Variants in RBPJ observed in about 807,000 individuals in gnomAD.
RBPJ encodes the protein recombining binding protein suppressor of hairless.
Under a neutral mutation model 67.8 loss-of-function variants are expected in RBPJ, and 9 were observed. The observed-to-expected ratio is 0.13, with a 90% CI of 0.08 to 0.23. RBPJ has a LOEUF of 0.23. Among genes scored for constraint, RBPJ ranks in the 10% least tolerant of loss-of-function variants. The pLI, the probability that RBPJ is intolerant of heterozygous loss-of-function variation, is 1.00. For synonymous variants in RBPJ, 198 were observed against 203.3 expected, an observed-to-expected ratio of 0.97 and a Z score of 0.22; for missense variants, 305 against 595.6, an observed-to-expected ratio of 0.51 and a Z score of 5.08.
At chr4:26,314,285 A>AT (rs199547269) in intron 1 of RBPJ, among the ~76,000 whole-genome samples, 39 of 151,364 alleles carry the variant, frequency 2.6e-4, no homozygotes, top group African/African-American at 8.3e-4. Context: ...TGTTACCAGT[A>AT]TTTTTTTTTC....
chr4:26,176,573 T>C lies in RBPJ; in HGVS notation c.-167+12959T>C, dbSNP rs142934861. Among the ~76,000 whole-genome samples the C allele has an allele frequency of 4.6e-3, 708 of 152,356 alleles. 6 individuals carry two copies. The highest frequency in any genetic ancestry group is 0.017 in the African/African-American group (688 of 41,586). ...TTGCTAACTAAGACTGCTCCCCTCC[T>C]GTAAACACTCAAGAAAAGCCTTGTT... is the stretch of plus-strand genomic sequence containing the variant. On this transcript the variant is annotated intron_variant, in intron 1 of 4. Coordinates refer to the RBPJ transcript ENST00000512351.
chr4:26,151,107 T>TGATAC, the RBPJ span, among the ~76,000 whole-genome samples: 1 of 152,152 alleles, frequency 6.6e-6, no homozygotes, highest in Non-Finnish European at 1.5e-5. Context: ...AATACGGAAA[T>TGATAC]GATACCAAAT....
chr4:26,329,880 TGA>T, intron 1 of RBPJ, among the ~76,000 whole-genome samples: 1 of 149,762 alleles, frequency 6.7e-6, no homozygotes, highest in Middle Eastern at 3.5e-3. Flanking sequence ...GGCGACAGAG[TGA>T]GACTCTGTCT....
the RBPJ span, among the ~76,000 whole-genome samples, chr4:26,126,224 G>A: frequency 6.6e-6 from 1 of 152,226 alleles, no homozygotes; most frequent in Non-Finnish European, 1.5e-5. Context: ...GGGATACAAA[G>A]ATGAAAATTG....
the RBPJ span, among the ~76,000 whole-genome samples, chr4:26,149,063 T>C: frequency 4.6e-5 from 7 of 152,220 alleles, no homozygotes; most frequent in African/African-American, 1.7e-4. Flanking sequence ...TTTCCCTCAC[T>C]GGCCCTGCCA....
chr4:26,324,385 T>C (rs927513058), intron 1 of RBPJ, among the ~76,000 whole-genome samples: 1 of 133,494 alleles, frequency 7.5e-6, no homozygotes. Flanking sequence ...AATTACAGGG[T>C]GATGTGTCGT....
At chr4:26,246,539 C>G (rs563617357) in intron 1 of RBPJ, among the ~76,000 whole-genome samples, 1 of 152,292 alleles carries the variant, frequency 6.6e-6, no homozygotes, top group East Asian at 1.9e-4. Context: ...CAGCTTGGCT[C>G]TTTGGGAAAA....
At chr4:26,323,742 A>G (rs1226877341) in intron 1 of RBPJ, among the ~76,000 whole-genome samples, 1 of 152,202 alleles carries the variant, frequency 6.6e-6, no homozygotes, top group East Asian at 1.9e-4. Flanking sequence ...GGGTAAGATC[A>G]AAATTGGTTT....
intron 1 of RBPJ, chr4:26,343,017 G>A (rs527813070): frequency 1.2e-4 from 18 of 152,204 alleles, no homozygotes; most frequent in African/African-American, 4.1e-4. Flanking sequence ...GTCAAATTTT[G>A]TTGTTATTCT....
chr4:26,265,480 G>T (rs1720673801), intron 1 of RBPJ, among the ~76,000 whole-genome samples: 1 of 151,480 alleles, frequency 6.6e-6, no homozygotes, highest in South Asian at 2.1e-4. Flanking sequence ...AGTGGCTACT[G>T]CACTCCAGCC....
chr4:26,263,902 T>C (rs974124859), intron 1 of RBPJ, among the ~76,000 whole-genome samples: 1 of 141,956 alleles, frequency 7.0e-6, no homozygotes, highest in Non-Finnish European at 1.5e-5. Context: ...TGAGATAGAG[T>C]CTCGCTCTGT....
the RBPJ span, among the ~76,000 whole-genome samples, chr4:26,149,173 T>C: frequency 6.6e-6 from 1 of 152,240 alleles, no homozygotes; most frequent in Non-Finnish European, 1.5e-5. Context: ...AAAGGTCACA[T>C]ACATGACATT....
At chr4:26,159,116 C>T (rs1039275800), upstream of RBPJ, among the ~76,000 whole-genome samples, 1 of 151,940 alleles carries the variant, frequency 6.6e-6, no homozygotes, top group Admixed American at 6.6e-5. Context: ...ACTGTGAGAC[C>T]CTGATGGGAA....
intron 1 of RBPJ, among the ~76,000 whole-genome samples, chr4:26,197,473 G>A (rs765192808): frequency 3.9e-5 from 6 of 152,154 alleles, no homozygotes; most frequent in Non-Finnish European, 8.8e-5. Flanking sequence ...GCCAGCTCAA[G>A]GTGAGTCATT....
chr4:26,301,436 C>T (rs1007058140), intron 1 of RBPJ, among the ~76,000 whole-genome samples: 1 of 151,514 alleles, frequency 6.6e-6, no homozygotes, highest in Non-Finnish European at 1.5e-5. Context: ...ACTAAAAATA[C>T]AAAAAATTAG....
intron 1 of RBPJ, among the ~76,000 whole-genome samples, chr4:26,312,912 G>C (rs552773972): frequency 2.6e-5 from 4 of 152,100 alleles, no homozygotes; most frequent in African/African-American, 9.7e-5. Context: ...GGTCACATAC[G>C]TAACTTTTTC....
chr4:26,212,029 G>C (rs77231676), intron 1 of RBPJ, among the ~76,000 whole-genome samples: 4,405 of 152,238 alleles, frequency 0.029, 87 homozygotes, highest in Non-Finnish European at 0.048. Context: ...TGTGGGAACA[G>C]AGCATCCCTC....
chr4:26,189,340 C>T (rs550127199), intron 1 of RBPJ, among the ~76,000 whole-genome samples: 16 of 152,292 alleles, frequency 1.1e-4, no homozygotes, highest in African/African-American at 3.6e-4. Context: ...CAACCTGCCA[C>T]ATGTATCAAA....
chr4:26,209,597 C>A (rs1718297791), intron 1 of RBPJ, among the ~76,000 whole-genome samples: 1 of 137,038 alleles, frequency 7.3e-6, no homozygotes, highest in Non-Finnish European at 1.6e-5. Context: ...CTCCCTTCCT[C>A]CTTCCCTCTC....
Sources: gnomAD v4.1 joint callset for allele counts (sites outside exome capture counted in the v4.1 genomes callset) on GRCh38, gnomAD v4.1.1 for gene constraint, MANE v1.5 for transcripts, NCBI Gene and HGNC (gene_info 2026-07-23, HGNC 2026-07-21) for gene names.